Variants in NAV2 observed in about 807,000 individuals in gnomAD.
The protein encoded by NAV2 is neuron navigator 2, also known as helicase, APC down-regulated 1.
A neutral mutation model predicts 223.2 loss-of-function variants in NAV2; 54 were observed. The ratio of observed to expected loss-of-function variants is 0.24; its 90% CI spans 0.19 to 0.30. NAV2 has a LOEUF of 0.30. Ranked by LOEUF, NAV2 falls within the 10% of genes least tolerant of loss-of-function variation. NAV2 has a pLI of 1.00. For missense variants in NAV2, 2,806 were observed against 3,147.5 expected, an observed-to-expected ratio of 0.89 and a Z score of 2.60; for synonymous variants, 1,279 against 1,239.3, an observed-to-expected ratio of 1.03 and a Z score of -0.67.
At chr11:19,837,118 C>T (rs531260095) in intron 2 of NAV2, among the ~76,000 whole-genome samples, 1 of 152,278 alleles carries the variant, frequency 6.6e-6, no homozygotes, top group South Asian at 2.1e-4. Context: ...AGTGTCATTC[C>T]CTGTAGGGCT....
At chr11:20,111,863 T>C (rs2062667275) in intron 36 of NAV2, among the ~76,000 whole-genome samples, 1 of 152,244 alleles carries the variant, frequency 6.6e-6, no homozygotes, top group African/African-American at 2.4e-5. Context: ...GTCTACTCAG[T>C]TGAGGACCAG....
intron 1 of NAV2, among the ~76,000 whole-genome samples, chr11:19,689,003 T>G (rs1443547650): frequency 6.6e-6 from 1 of 152,154 alleles, no homozygotes; most frequent in Non-Finnish European, 1.5e-5. Flanking sequence ...TGTAAGCACA[T>G]TCCCTGGCTG....
At chr11:19,732,313 C>T (rs996053827) in intron 1 of NAV2, among the ~76,000 whole-genome samples, 7 of 151,834 alleles carry the variant, frequency 4.6e-5, no homozygotes, top group East Asian at 1.9e-4. Flanking sequence ...TGGGTTTCAG[C>T]GCCATCTCTA....
chr11:19,870,905 G>A (rs569332197), intron 4 of NAV2, among the ~76,000 whole-genome samples: 1 of 152,240 alleles, frequency 6.6e-6, no homozygotes, highest in African/African-American at 2.4e-5. Context: ...GCCATATAAA[G>A]GTAAAAGAAA....
intron 1 of NAV2, among the ~76,000 whole-genome samples, chr11:19,582,648 T>C (rs1275646008): frequency 6.6e-6 from 1 of 152,254 alleles, no homozygotes; most frequent in Non-Finnish European, 1.5e-5. Flanking sequence ...CTAGTTTTTT[T>C]CAGGTTTGTC....
At position 19,720,106 on chromosome 11, in the gene NAV2, T is replaced by C. The variant is rs935451645; in HGVS notation, c.267+6144T>C. ...AATGAGAGCTGGACCTTGTGATCAG[T>C]TGGCCATTAAGGTGCCCCAAGGCAT... On this transcript the variant is annotated intron_variant, in intron 1 of 37. Coordinates refer to ENST00000349880, the MANE Select transcript of NAV2 (RefSeq NM_145117.5). 5.9e-5 allele frequency among the ~76,000 whole-genome samples: 9 copies of C among 152,234 alleles called. No homozygotes were observed. In the East Asian group the frequency reaches 1.3e-3, roughly 23 times the overall value.
intron 36 of NAV2, among the ~76,000 whole-genome samples, chr11:20,109,808 AACTC>A (rs2062471067): frequency 6.6e-6 from 1 of 152,234 alleles, no homozygotes; most frequent in African/African-American, 2.4e-5. Context: ...CACTGGGAAG[AACTC>A]ACGGGCTCTG....
At chr11:19,581,852 T>C (rs182128780) in intron 1 of NAV2, among the ~76,000 whole-genome samples, 1 of 152,356 alleles carries the variant, frequency 6.6e-6, no homozygotes, top group African/African-American at 2.4e-5. Context: ...TATAGCAGCA[T>C]GTTTTATAAT....
At chr11:19,996,090 A>C (rs929514492) in intron 11 of NAV2, among the ~76,000 whole-genome samples, 1 of 152,228 alleles carries the variant, frequency 6.6e-6, no homozygotes, top group Non-Finnish European at 1.5e-5. Context: ...GGATAGGCTT[A>C]CAAATAAGGA....
At chr11:19,543,550 G>A (rs2044396775) in intron 1 of NAV2, among the ~76,000 whole-genome samples, 1 of 152,084 alleles carries the variant, frequency 6.6e-6, no homozygotes, top group Non-Finnish European at 1.5e-5. Context: ...GTTCAGAATG[G>A]CATAGGGATT....
chr11:19,583,928 A>G (rs937472543), intron 1 of NAV2, among the ~76,000 whole-genome samples: 1 of 152,128 alleles, frequency 6.6e-6, no homozygotes, highest in African/African-American at 2.4e-5. Flanking sequence ...TTTTCTGTTG[A>G]TTGGAATAGT....
intron 1 of NAV2, among the ~76,000 whole-genome samples, chr11:19,684,954 A>T (rs1029127909): frequency 6.6e-6 from 1 of 152,094 alleles, no homozygotes; most frequent in Non-Finnish European, 1.5e-5. Context: ...CTGATTTCCC[A>T]TCCAAGTCCC....
chr11:19,488,831 A>G (rs1470743499), intron 1 of NAV2, among the ~76,000 whole-genome samples: 1 of 152,220 alleles, frequency 6.6e-6, no homozygotes, highest in Non-Finnish European at 1.5e-5. Flanking sequence ...AGTACTTACT[A>G]TGGGCAAGGC....
At chr11:19,826,521 T>A (rs946579791) in intron 1 of NAV2, among the ~76,000 whole-genome samples, 2 of 152,208 alleles carry the variant, frequency 1.3e-5, no homozygotes, top group Non-Finnish European at 2.9e-5. Flanking sequence ...ATGATTTTCC[T>A]TGCATGAGCT....
chr11:20,049,972 G>A, intron 16 of NAV2, 71 bp downstream of exon 16: 4 of 1,487,318 alleles, frequency 2.7e-6, no homozygotes, highest in Non-Finnish European at 3.8e-6. Context: ...CAAGCCAGAT[G>A]TCTTGTGCGA....
chr11:19,474,461 G>T (rs186166554), intron 1 of NAV2, among the ~76,000 whole-genome samples: 1 of 152,212 alleles, frequency 6.6e-6, no homozygotes, highest in African/African-American at 2.4e-5. Context: ...AACAATACAC[G>T]TATGTGTAGC....
intron 1 of NAV2, among the ~76,000 whole-genome samples, chr11:19,528,410 T>C (rs1282264354): frequency 6.6e-6 from 1 of 152,150 alleles, no homozygotes; most frequent in Non-Finnish European, 1.5e-5. Context: ...ATGTCTCTTA[T>C]TTTTCATCCT....
At position 19,535,727 on chromosome 11, in the gene NAV2, T is replaced by C. The variant is rs114800733; in HGVS notation, c.75+184700T>C. ...TTCCCTGTTGGCCTTATGGGTTCAG[T>C]GGGCCCAATCAAGCCTGATTCAGGG... is the stretch of plus-strand genomic sequence containing the variant. On this transcript the variant is annotated intron_variant, in intron 1 of 37. Transcript: ENST00000360655. Among the ~76,000 whole-genome samples, 621 of 152,272 alleles carry C rather than the reference T, an allele frequency of 4.1e-3. 6 individuals carry two copies. Among genetic ancestry groups the C allele is most frequent in the African/African-American group, 0.014 (600 of 41,546 alleles).
chr11:19,943,718 A>G (rs956824067), intron 8 of NAV2, among the ~76,000 whole-genome samples: 1 of 152,178 alleles, frequency 6.6e-6, no homozygotes, highest in Admixed American at 6.5e-5. Context: ...GCTATGTTCT[A>G]GATGGAGATT....
Sources: gnomAD v4.1 joint callset for allele counts (sites outside exome capture counted in the v4.1 genomes callset) on GRCh38, gnomAD v4.1.1 for gene constraint, MANE v1.5 for transcripts, NCBI Gene and HGNC (gene_info 2026-07-23, HGNC 2026-07-21) for gene names.